KNL1: variants seen among roughly 807,000 people sequenced by gnomAD.
KNL1 encodes outer kinetochore KNL1 complex subunit KNL1.
A neutral mutation model predicts 201.3 loss-of-function variants in KNL1; 66 were observed. The ratio of observed to expected loss-of-function variants is 0.33; its 90% CI spans 0.27 to 0.40. KNL1 has a LOEUF of 0.40. KNL1 is among the 10% of genes least tolerant of loss of function. KNL1 has a pLI of 1.00. For synonymous variants in KNL1, 895 were observed against 899.2 expected, an observed-to-expected ratio of 1.00 and a Z score of 0.08; for missense variants, 2,815 against 2,690.5, an observed-to-expected ratio of 1.05 and a Z score of -1.02.
chr15:40,640,471 A>C (rs955512560), intron 13 of KNL1, among the ~76,000 whole-genome samples: 3 of 151,970 alleles, frequency 2.0e-5, no homozygotes, highest in African/African-American at 7.3e-5. Flanking sequence ...TAAATAACCA[A>C]ATTTTCACTG....
chr15:40,657,123 C>T lies in KNL1; in HGVS notation c.6566C>T (p.Thr2189Ile). Residue 2189 changes from threonine (T) to isoleucine (I), a missense_variant, in exon 23 of 26, where the codon ACA becomes ATA. This residue lies in a region of KNL1 where 334 missense variants were observed against 362.6 expected (regional missense o/e 0.92). Transcript: ENST00000399668. Reference sequence around the variant, plus strand: ...GAAGAAAAGGAATCCTGGAAGAAGACATGTACAACCCAGCATCAGTTACCC... The same window carrying T: ...GAAGAAAAGGAATCCTGGAAGAAGATATGTACAACCCAGCATCAGTTACCC... ...YVEEKESWKK[T>I]CTTQHQLPKM... 2 of 1,606,900 alleles carry T rather than the reference C, an allele frequency of 1.2e-6. No homozygotes were observed. Among genetic ancestry groups the T allele is most frequent in the Non-Finnish European group, 1.7e-6 (2 of 1,175,478 alleles).
Position 40,662,255 on chromosome 15 carries a change from G to A in KNL1, c.*67G>A. The A allele has an allele frequency of 2.3e-6, 2 of 885,846 alleles. No homozygotes were observed. The highest frequency in any genetic ancestry group is 1.9e-5 in the Admixed American group (1 of 52,150). 54.9% of individuals were successfully genotyped at this position (885,846 alleles called of 1,614,324 possible). A position where few individuals can be genotyped will look rare whatever the true frequency, so the allele number is the denominator to read the frequency against. On this transcript the variant is annotated 3_prime_UTR_variant, in exon 26 of 26. Coordinates refer to ENST00000399668, the MANE Select transcript of KNL1 (RefSeq NM_144508.5). ...GATATTATTTCAGGGTCCCATTGCTGTTCAGCCTTTGTTTTTACGTCATTA... is the reference window on the plus strand; with the variant it reads ...GATATTATTTCAGGGTCCCATTGCTATTCAGCCTTTGTTTTTACGTCATTA...
intron 4 of KNL1, among the ~76,000 whole-genome samples, chr15:40,608,526 A>C (rs1455211415): frequency 6.6e-6 from 1 of 151,406 alleles, no homozygotes; most frequent in Non-Finnish European, 1.5e-5. Flanking sequence ...TGGGCCGATC[A>C]CCTGAGGTCG....
chr15:40,633,949 G>A (rs1017548068), intron 13 of KNL1, among the ~76,000 whole-genome samples: 11 of 152,218 alleles, frequency 7.2e-5, no homozygotes, highest in African/African-American at 2.7e-4. Context: ...TGTTATCATA[G>A]GAGATGATAG....
chr15:40,630,340 A>T (rs1029101943), intron 13 of KNL1, among the ~76,000 whole-genome samples: 1 of 150,462 alleles, frequency 6.6e-6, no homozygotes, highest in African/African-American at 2.5e-5. Context: ...TTTAAAATGG[A>T]GGTTTTATAG....
Position 40,650,482 on chromosome 15 carries a change from AG to A in KNL1, c.6173-61del. On this transcript the variant is annotated intron_variant, in intron 18 of 25. Coordinates refer to ENST00000399668, the MANE Select transcript of KNL1 (RefSeq NM_144508.5). ...ATTAAGTCAGAATTTTCAATAAAAC[AG>A]ATTTTTGTGGCAACATTCTAATATG... 3 of 1,563,366 alleles carry A rather than the reference AG, an allele frequency of 1.9e-6. No individual in the cohort carries two copies. In the African/African-American group the frequency reaches 4.2e-5, roughly 22 times the overall value.
At chr15:40,620,315 C>G (rs1892476033) in intron 9 of KNL1, among the ~76,000 whole-genome samples, 1 of 151,962 alleles carries the variant, frequency 6.6e-6, no homozygotes, top group Non-Finnish European at 1.5e-5. Context: ...ACACCATTCT[C>G]CTGCCTCAGC....
chr15:40,632,879 G>A (rs1178541379), intron 13 of KNL1, among the ~76,000 whole-genome samples: 1 of 151,914 alleles, frequency 6.6e-6, no homozygotes, highest in Non-Finnish European at 1.5e-5. Flanking sequence ...ATAAAACATA[G>A]TGAGACTCTG....
At chr15:40,614,314 TCTCGAACTCCTGAC>T (rs947016938) in intron 7 of KNL1, among the ~76,000 whole-genome samples, 2 of 151,760 alleles carry the variant, frequency 1.3e-5, no homozygotes, top group Non-Finnish European at 2.9e-5. Context: ...GCCAGGCTGG[TCTCGAACTCCTGAC>T]CTCAGTTTAT....
chr15:40,600,773 C>A (rs1272291656), intron 1 of KNL1, among the ~76,000 whole-genome samples: 1 of 152,002 alleles, frequency 6.6e-6, no homozygotes, highest in East Asian at 1.9e-4. Flanking sequence ...GGATGAGATT[C>A]TAAAGTTAAT....
Position 40,597,286 on chromosome 15 carries a change from A to C in KNL1, c.-18+2894A>C, listed in dbSNP as rs547388141. Among the ~76,000 whole-genome samples the C allele has an allele frequency of 3.9e-5, 6 of 151,992 alleles. No individual in the cohort carries two copies. The East Asian group carries it at 1.2e-3, about 29-fold the overall frequency. On this transcript the variant is annotated intron_variant, in intron 1 of 25. Transcript: ENST00000399668. Reference sequence around the variant, plus strand: ...TTCTTTTCGAGACAGAGTCTCACTCACTGTGTTGCCCAGGCCAGAATGCAG... The same window carrying C: ...TTCTTTTCGAGACAGAGTCTCACTCCCTGTGTTGCCCAGGCCAGAATGCAG...
intron 14 of KNL1, among the ~76,000 whole-genome samples, chr15:40,644,367 C>T (rs369681014): frequency 4.7e-4 from 71 of 152,336 alleles, no homozygotes; most frequent in African/African-American, 1.6e-3. Flanking sequence ...CACCATAGGG[C>T]GGTTTTTCTC....
At chr15:40,627,296 C>T (rs1252086002) in intron 10 of KNL1, among the ~76,000 whole-genome samples, 2 of 152,136 alleles carry the variant, frequency 1.3e-5, no homozygotes, top group African/African-American at 2.4e-5. Flanking sequence ...AGGTTGATCA[C>T]GAGATCAGGA....
intron 13 of KNL1, among the ~76,000 whole-genome samples, chr15:40,639,269 C>T (rs1265806816): frequency 6.1e-5 from 9 of 148,464 alleles, no homozygotes; most frequent in Admixed American, 4.7e-4. Flanking sequence ...GCCTGGGCAA[C>T]GTAGCAAAAC....
rs1226148106 is a variant in KNL1, at chr15:40,651,412, G to A, written c.6213-59G>A. 8 of 1,111,536 alleles carry A rather than the reference G, an allele frequency of 7.2e-6. No individual in the cohort carries two copies. In the Admixed American group the frequency reaches 2.0e-4, roughly 28 times the overall value. The allele number at this position is 1,111,536 out of a possible 1,614,324, so 68.9% of individuals were successfully genotyped here. A position where few individuals can be genotyped will look rare whatever the true frequency, so the allele number is the denominator to read the frequency against. Reference sequence around the variant, plus strand: ...CTTCTTATCATAAACCTTTTATATTGATAGAGTGAATTCTCTAACAAAAAC... The same window carrying A: ...CTTCTTATCATAAACCTTTTATATTAATAGAGTGAATTCTCTAACAAAAAC... On this transcript the variant is annotated intron_variant, in intron 19 of 25. Transcript: ENST00000399668.
At position 40,621,478 on chromosome 15, in the gene KNL1, A is replaced by G. The variant is rs113313996; in HGVS notation, c.1214A>G (p.Asp405Gly). 726 of 1,613,858 alleles carry G rather than the reference A, an allele frequency of 4.5e-4. No homozygotes were observed. Among genetic ancestry groups the G allele is most frequent in the Non-Finnish European group, 5.3e-4 (620 of 1,179,922 alleles). The change falls in exon 10 of 26, where the codon GAT becomes GGT. Residue 405 changes from aspartate to glycine, a missense_variant. Asp to Gly is a moderately conservative substitution (Grantham distance 94). Coordinates refer to ENST00000399668, the MANE Select transcript of KNL1 (RefSeq NM_144508.5). ...THIVSQTCNQ[D>G]ARILAMTPES... ...ATAGTCTCACAGACTTGTAATCAGGATGCCAGAATATTAGCCATGACCCCA... is the reference window on the plus strand; with the variant it reads ...ATAGTCTCACAGACTTGTAATCAGGGTGCCAGAATATTAGCCATGACCCCA...
rs1174926556 is a variant in KNL1, at chr15:40,621,186, G to A, written c.922G>A (p.Gly308Ser). 1.2e-6 allele frequency: 2 copies of A among 1,612,540 alleles called. No individual in the cohort carries two copies. Among genetic ancestry groups the A allele is most frequent in the South Asian group, 2.2e-5 (2 of 90,964 alleles). The change falls in exon 10 of 26, where the codon GGT (glycine) becomes AGT (serine). Residue 308 changes from glycine (G) to serine (S), a missense_variant. Transcript: ENST00000399668. ...SSETNSRESK[G>S]NDITIYGNDF... Reference sequence around the variant, plus strand: ...TGAGACCAACTCACGGGAATCTAAAGGTAATGATATTACAATTTATGGCAA... The same window carrying A: ...TGAGACCAACTCACGGGAATCTAAAAGTAATGATATTACAATTTATGGCAA...
intron 5 of KNL1, among the ~76,000 whole-genome samples, chr15:40,609,439 A>G (rs1031686526): frequency 6.6e-6 from 1 of 152,028 alleles, no homozygotes; most frequent in Non-Finnish European, 1.5e-5. Flanking sequence ...AATAGCTTCT[A>G]TATAGTGAGT....
rs1047213927 is a variant in KNL1 at position 40,659,892 on chromosome 15, TTATG to T, written c.6836+433_6836+436del. ...TTCTCTTGAGTTCATTTTGAAGAAT[TTATG>T]TGTGTGTGTGTGTGTGTGTGTGTGT... On this transcript the variant is annotated intron_variant, in intron 25 of 25. Transcript: ENST00000399668. Among the ~76,000 whole-genome samples, 31 of 120,186 alleles carry T rather than the reference TTATG, an allele frequency of 2.6e-4. No individual in the cohort carries two copies. The South Asian group carries it at 2.6e-3, about 10-fold the overall frequency. The allele number at this position is 120,186 out of a possible 152,430, so 78.8% of individuals were successfully genotyped here.
Sources: gnomAD v4.1 joint callset for allele counts (sites outside exome capture counted in the v4.1 genomes callset) on GRCh38, gnomAD v4.1.1 for gene constraint, gnomAD v4.1.1 regional missense constraint, MANE v1.5 for transcripts, NCBI Gene and HGNC (gene_info 2026-07-23, HGNC 2026-07-21) for gene names.